Variants in SLC8A1 observed in about 807,000 individuals in gnomAD.
The protein encoded by SLC8A1 is solute carrier family 8 member A1.
In SLC8A1, 18 loss-of-function variants were observed where a neutral mutation model predicts 68.3. That is an observed-to-expected ratio of 0.26 (90% CI 0.18 to 0.39). The LOEUF (loss-of-function observed/expected upper bound fraction) is 0.39. Ranked by LOEUF, SLC8A1 falls within the 10% of genes least tolerant of loss-of-function variation. The pLI, the probability that SLC8A1 is intolerant of heterozygous loss-of-function variation, is 1.00. For missense variants in SLC8A1, 985 were observed against 1,156.7 expected, an observed-to-expected ratio of 0.85 and a Z score of 2.15; for synonymous variants, 475 against 415.5, an observed-to-expected ratio of 1.14 and a Z score of -1.74.
intron 2 of SLC8A1, among the ~76,000 whole-genome samples, chr2:40,217,319 G>C (rs1048215983): frequency 1.3e-5 from 2 of 152,164 alleles, no homozygotes; most frequent in Admixed American, 6.5e-5. Context: ...TGTTATTTCT[G>C]AGGTCTCTGT....
chr2:40,420,559 A>G (rs903986547), intron 2 of SLC8A1, among the ~76,000 whole-genome samples: 2 of 152,174 alleles, frequency 1.3e-5, no homozygotes, highest in Admixed American at 1.3e-4. Context: ...CAAAACCAAC[A>G]ATAACTAGGT....
chr2:40,468,887 G>A (rs1703847884), intron 1 of SLC8A1, among the ~76,000 whole-genome samples: 1 of 151,902 alleles, frequency 6.6e-6, no homozygotes, highest in East Asian at 1.9e-4. Context: ...ACCAGCCTGG[G>A]CAATATAGCA....
intron 1 of SLC8A1, among the ~76,000 whole-genome samples, chr2:40,482,050 C>T (rs568987728): frequency 1.3e-5 from 2 of 152,318 alleles, no homozygotes; most frequent in Admixed American, 6.5e-5. Flanking sequence ...GTAAAGGTCC[C>T]AAGCTCCTGC....
In SLC8A1 at chr2:40,175,251, A is replaced by G; in HGVS notation, c.1913-409T>C. 6.2e-7 allele frequency: 1 copy of G among 1,612,876 alleles called. No individual in the cohort carries two copies. The highest frequency in any genetic ancestry group is 8.5e-7 in the Non-Finnish European group (1 of 1,179,126). The stretch of plus-strand genomic sequence containing the variant: ...AAATGGAAAGGAAATGCAAGAAATG[A>G]AATGCTTACCAAGCTCATTCAATAA... On this transcript the variant is annotated intron_variant, in intron 3 of 7. Transcript: ENST00000406785.
At chr2:40,163,044 G>T (rs2045960007) in intron 5 of SLC8A1, among the ~76,000 whole-genome samples, 1 of 152,138 alleles carries the variant, frequency 6.6e-6, no homozygotes, top group South Asian at 2.1e-4. Context: ...GTGCCTTGTA[G>T]GTATTAATGG....
intron 2 of SLC8A1, among the ~76,000 whole-genome samples, chr2:40,292,956 G>A (rs2069613785): frequency 6.6e-6 from 1 of 152,114 alleles, no homozygotes. Context: ...TAGATCATGG[G>A]AAAAGAGGAC....
chr2:40,320,549 CGTTT>C, intron 2 of SLC8A1, among the ~76,000 whole-genome samples: 1 of 152,164 alleles, frequency 6.6e-6, no homozygotes, highest in East Asian at 1.9e-4. Context: ...TAAAATCAGA[CGTTT>C]ATTAAATAAC....
intron 6 of SLC8A1, among the ~76,000 whole-genome samples, chr2:40,147,151 T>A (rs1250671873): frequency 6.6e-6 from 1 of 152,200 alleles, no homozygotes; most frequent in African/African-American, 2.4e-5. Flanking sequence ...ACTAAGGAGT[T>A]CTAGCTCCAT....
intron 6 of SLC8A1, among the ~76,000 whole-genome samples, chr2:40,144,846 A>G (rs1337239187): frequency 1.3e-5 from 2 of 152,192 alleles, no homozygotes; most frequent in Non-Finnish European, 2.9e-5. Flanking sequence ...GTCATGTTAT[A>G]AGATATATTT....
At chr2:40,162,882 T>C (rs183818490) in intron 5 of SLC8A1, among the ~76,000 whole-genome samples, 76 of 152,276 alleles carry the variant, frequency 5.0e-4, no homozygotes, top group African/African-American at 7.2e-5. Context: ...GAGTGGGCCA[T>C]TGAAAGGTAC....
chr2:40,472,120 G>A (rs933487412), intron 1 of SLC8A1, among the ~76,000 whole-genome samples: 2 of 152,148 alleles, frequency 1.3e-5, no homozygotes, highest in Admixed American at 1.3e-4. Context: ...GCTGCCAAAG[G>A]TGACCTTCTG....
chr2:40,443,119 G>GGGGA (rs1239209282), intron 1 of SLC8A1, among the ~76,000 whole-genome samples: 1 of 152,114 alleles, frequency 6.6e-6, no homozygotes, highest in Non-Finnish European at 1.5e-5. Context: ...TTGGGGGCAA[G>GGGGA]GGGAGGGAGA....
At chr2:40,132,026 G>C (rs896760807) in intron 7 of SLC8A1, among the ~76,000 whole-genome samples, 12 of 151,952 alleles carry the variant, frequency 7.9e-5, no homozygotes, top group Admixed American at 2.0e-4. Flanking sequence ...TCCATTAGGT[G>C]TTTTTCATGC....
At chr2:40,258,547 C>T (rs1347375120) in intron 2 of SLC8A1, among the ~76,000 whole-genome samples, 1 of 28,238 alleles carries the variant, frequency 3.5e-5, no homozygotes. Flanking sequence ...GGTATAAACT[C>T]AGTCTTTACT....
chr2:40,374,944 T>A (rs1013713877), intron 2 of SLC8A1, among the ~76,000 whole-genome samples: 7 of 152,120 alleles, frequency 4.6e-5, no homozygotes, highest in Non-Finnish European at 5.9e-5. Flanking sequence ...TCATCTTCCT[T>A]ATTTACCAAA....
intron 7 of SLC8A1, among the ~76,000 whole-genome samples, chr2:40,131,858 ATTTTTTTTTTTTTTTTT>A (rs71404277): frequency 1.0e-5 from 1 of 95,558 alleles, no homozygotes; most frequent in Non-Finnish European, 2.0e-5. Context: ...TTGGTATTCT[ATTTTTTTTTTTTTTTTT>A]TTTTTTTTTG....
At chr2:40,156,858 G>A (rs949372464) in intron 6 of SLC8A1, among the ~76,000 whole-genome samples, 9 of 152,154 alleles carry the variant, frequency 5.9e-5, no homozygotes, top group Non-Finnish European at 1.3e-4. Context: ...ATGCATGCAT[G>A]TCTCTGCGTA....
chr2:40,194,891 G>C (rs1193877211), intron 2 of SLC8A1, among the ~76,000 whole-genome samples: 1 of 152,082 alleles, frequency 6.6e-6, no homozygotes, highest in Non-Finnish European at 1.5e-5. Context: ...ACCAAAGATG[G>C]AAGGTCCATT....
At chr2:40,125,283 C>T (rs375538450) in intron 7 of SLC8A1, among the ~76,000 whole-genome samples, 6 of 151,966 alleles carry the variant, frequency 3.9e-5, no homozygotes, top group East Asian at 3.9e-4. Context: ...AAGGGTGTAG[C>T]GGGGAGGAGG....
Sources: gnomAD v4.1 joint callset for allele counts (sites outside exome capture counted in the v4.1 genomes callset) on GRCh38, gnomAD v4.1.1 for gene constraint, MANE v1.5 for transcripts, NCBI Gene and HGNC (gene_info 2026-07-23, HGNC 2026-07-21) for gene names.